The following ARRB1 variants were observed in gnomAD, a reference collection of about 807,000 sequenced individuals.
ARRB1 encodes the protein beta-arrestin-1.
A neutral mutation model predicts 56.8 loss-of-function variants in ARRB1; 21 were observed. The observed-to-expected ratio is 0.37, with a 90% CI of 0.26 to 0.53. The LOEUF (loss-of-function observed/expected upper bound fraction) is 0.53. ARRB1 is among the 20% of genes least tolerant of loss of function. The probability of loss-of-function intolerance (pLI) is 0.88; values close to 1 mark genes in which losing one functional copy is unlikely to be tolerated. For missense variants in ARRB1, 424 were observed against 553.7 expected (o/e 0.77, Z 2.35); for synonymous variants, 210 against 218.6 (o/e 0.96, Z 0.35).
intron 1 of ARRB1, among the ~76,000 whole-genome samples, chr11:75,316,665 C>G (rs1313166911): frequency 6.6e-6 from 1 of 152,068 alleles, no homozygotes; most frequent in Non-Finnish European, 1.5e-5. Context: ...CCCTGTAATC[C>G]CAGCAACTCA....
At position 75,325,743 on chromosome 11, in the gene ARRB1, G is replaced by A. The variant is rs149660460; in HGVS notation, c.20+25845C>T. On this transcript the variant is annotated intron_variant, in intron 1 of 15. Coordinates refer to ENST00000420843, the MANE Select transcript of ARRB1 (RefSeq NM_004041.5). ...GGTAGGGGCTGAGGCCACCAAAGCC[G>A]CTCCCCAAACCAGGCTTGGCCATTA... Among the ~76,000 whole-genome samples, 51 of 152,280 alleles carry A rather than the reference G, an allele frequency of 3.3e-4. No homozygotes were observed. The East Asian group carries it at 7.3e-3, about 22-fold the overall frequency.
intron 13 of ARRB1, chr11:75,269,282 CCAGAGGTG>C: frequency 2.0e-6 from 1 of 503,954 alleles, no homozygotes. Context: ...CTGCGGGGCT[CCAGAGGTG>C]CCCTGGGACC....
At chr11:75,273,026 C>T (rs773128333) in intron 11 of ARRB1, 48 bp from the exon 12 acceptor site, 38 of 1,556,318 alleles carry the variant, frequency 2.4e-5, no homozygotes, top group African/African-American at 9.5e-5. Flanking sequence ...GCCAGGTGGG[C>T]GAGACACCTC....
At chr11:75,335,668 AG>A (rs1265047692) in intron 1 of ARRB1, among the ~76,000 whole-genome samples, 2 of 151,866 alleles carry the variant, frequency 1.3e-5, no homozygotes, top group African/African-American at 4.8e-5. Flanking sequence ...CAGCACTGCC[AG>A]ATTTCTTTGT....
At chr11:75,309,014 T>C (rs150466578) in intron 1 of ARRB1, among the ~76,000 whole-genome samples, 2 of 152,354 alleles carry the variant, frequency 1.3e-5, no homozygotes, top group Admixed American at 6.5e-5. Flanking sequence ...TTTTACAGAA[T>C]TGGAAACTGG....
At chr11:75,336,330 G>A (rs1947602184) in intron 1 of ARRB1, among the ~76,000 whole-genome samples, 1 of 152,012 alleles carries the variant, frequency 6.6e-6, no homozygotes, top group African/African-American at 2.4e-5. Context: ...CAGACTCAGG[G>A]CCTGATGTCC....
In ARRB1 at chr11:75,289,425, G is replaced by A. The variant is rs376715817; in HGVS notation, c.51+584C>T. ...TCTGCCACTTCATGTTGAAATGATG[G>A]ATTTCTGTGTCTGCCTCTGCCATCT... On this transcript the variant is annotated intron_variant, in intron 2 of 15. Coordinates refer to ENST00000420843, the MANE Select transcript of ARRB1 (RefSeq NM_004041.5). Among the ~76,000 whole-genome samples the A allele has an allele frequency of 7.7e-4, 117 of 152,308 alleles. 1 individual carries two copies. The highest frequency in any genetic ancestry group is 6.8e-3 in the Middle Eastern group (2 of 294).
At chr11:75,306,493 T>C (rs1947033826) in intron 1 of ARRB1, 2 of 852,646 alleles carry the variant, frequency 2.3e-6, no homozygotes, top group Admixed American at 4.6e-5. Context: ...GAAGAAATCA[T>C]GTAAATCCCA....
chr11:75,319,563 C>T (rs918816550), intron 1 of ARRB1, among the ~76,000 whole-genome samples: 11 of 152,176 alleles, frequency 7.2e-5, no homozygotes, highest in African/African-American at 9.7e-5. Context: ...GCACCTTGTC[C>T]GTCCTCACTG....
intron 1 of ARRB1, among the ~76,000 whole-genome samples, chr11:75,341,666 G>T (rs1947694832): frequency 1.3e-5 from 2 of 152,166 alleles, no homozygotes; most frequent in Non-Finnish European, 2.9e-5. Context: ...CTCTCTGAGG[G>T]TGCTACTTGG....
intron 1 of ARRB1, among the ~76,000 whole-genome samples, chr11:75,295,386 C>T (rs1163532074): frequency 6.6e-6 from 1 of 152,154 alleles, no homozygotes; most frequent in Non-Finnish European, 1.5e-5. Flanking sequence ...CAGCCCTTCC[C>T]AGCTTCTAGG....
chr11:75,314,804 AC>A (rs1947236034), intron 1 of ARRB1, among the ~76,000 whole-genome samples: 2 of 151,430 alleles, frequency 1.3e-5, no homozygotes, highest in Non-Finnish European at 3.0e-5. Flanking sequence ...ATGGGGTTTC[AC>A]CATGTTGCCC....
At chr11:75,276,759 G>T in intron 10 of ARRB1, 80 bp downstream of exon 10, 2 of 1,449,972 alleles carry the variant, frequency 1.4e-6, no homozygotes, top group Non-Finnish European at 9.6e-7. Context: ...AGAGCCACCT[G>T]GACCTGTAAC....
intron 1 of ARRB1, among the ~76,000 whole-genome samples, chr11:75,302,748 C>T (rs11236388): frequency 0.055 from 8,437 of 152,266 alleles, 327 homozygotes; most frequent in Non-Finnish European, 0.077. Flanking sequence ...AGTGACTCAA[C>T]ACAGGGAAGC....
intron 8 of ARRB1, 38 bp downstream of exon 8, chr11:75,278,571 G>C: frequency 6.2e-7 from 1 of 1,612,936 alleles, no homozygotes; most frequent in Non-Finnish European, 8.5e-7. Flanking sequence ...GGCCCTGGTG[G>C]AGCAGCCCCC....
rs1945897320 is a variant in ARRB1, at chr11:75,265,967, T to C, written c.*196A>G. On this transcript the variant is annotated 3_prime_UTR_variant, in exon 16 of 16. Transcript: ENST00000420843. Reference sequence around the variant, plus strand: ...CAGAGATGGGGTGGAGCCAGTGCGCTGTGGTCCTGTTGGCGTGGTGATGTG... The same window carrying C: ...CAGAGATGGGGTGGAGCCAGTGCGCCGTGGTCCTGTTGGCGTGGTGATGTG... 1 of 593,284 alleles carries C rather than the reference T, an allele frequency of 1.7e-6. No homozygotes were observed. The highest frequency in any genetic ancestry group is 3.0e-6 in the Non-Finnish European group (1 of 331,252). The allele number at this position is 593,284 out of a possible 1,614,324, so 36.8% of individuals were successfully genotyped here. A position where few individuals can be genotyped will look rare whatever the true frequency, so the allele number is the denominator to read the frequency against.
At chr11:75,306,694 C>G (rs1041054655) in intron 1 of ARRB1, 5 of 1,269,838 alleles carry the variant, frequency 3.9e-6, no homozygotes, top group Non-Finnish European at 5.1e-6. Context: ...GCCAGCCCCG[C>G]AGGCTCAGCT....
intron 10 of ARRB1, among the ~76,000 whole-genome samples, chr11:75,275,865 G>A (rs568203307): frequency 6.6e-6 from 1 of 152,198 alleles, no homozygotes; most frequent in Non-Finnish European, 1.5e-5. Flanking sequence ...TTATGCAGAC[G>A]CTGGCACCAT....
rs573528621 is a variant in ARRB1 at position 75,300,601 on chromosome 11, G to A, written c.21-10562C>T. 5.9e-5 allele frequency among the ~76,000 whole-genome samples: 9 copies of A among 152,328 alleles called. No homozygotes were observed. In the East Asian group the frequency reaches 1.2e-3, roughly 20 times the overall value. The stretch of plus-strand genomic sequence containing the variant: ...AATCCCAGCACTTTGGGAGGCCGAG[G>A]TGGGCGGATCATGTGGTCAAGAGAT... On this transcript the variant is annotated intron_variant, in intron 1 of 15. Transcript: ENST00000420843.
Sources: allele counts gnomAD v4.1 joint callset (sites outside exome capture counted in the v4.1 genomes callset), GRCh38; gene constraint gnomAD v4.1.1; transcripts MANE v1.5; gene names NCBI Gene and HGNC (gene_info 2026-07-23, HGNC 2026-07-21).